The following SLC1A1 variants were observed in gnomAD, a reference collection of about 807,000 sequenced individuals.
SLC1A1 encodes the protein solute carrier family 1 member 1.
SLC1A1 carries 43 observed loss-of-function variants against 53.3 expected under a neutral mutation model. The ratio of observed to expected loss-of-function variants is 0.81; its 90% confidence interval spans 0.63 to 1.04. The LOEUF (loss-of-function observed/expected upper bound fraction) is 1.04. SLC1A1 is among the 50% of genes least tolerant of loss of function. SLC1A1 has a pLI of 0.00. For synonymous variants in SLC1A1, 307 were observed against 243.2 expected (o/e 1.26, Z -2.44); for missense variants, 748 against 664.9 (o/e 1.12, Z -1.37).
Position 4,583,882 on chromosome 9 carries a change from T to TCTCTCTCACTCA in SLC1A1, c.1328+711_1328+712insTCTCTCACTCAC, listed in dbSNP as rs1423949414. Among the ~76,000 whole-genome samples the TCTCTCTCACTCA allele has an allele frequency of 7.3e-6, 1 of 136,966 alleles. No homozygotes were observed. Among genetic ancestry groups the TCTCTCTCACTCA allele is most frequent in the Admixed American group, 7.2e-5 (1 of 13,906 alleles). 89.9% of individuals were successfully genotyped at this position (136,966 alleles called of 152,430 possible). ...CTCTCTCTCTCTCTCTCTCTCTCTC[T>TCTCTCTCACTCA]CACACACACACACACACACACACAC... On this transcript the variant is annotated intron_variant, in intron 11 of 11. Coordinates refer to ENST00000262352, the MANE Select transcript of SLC1A1 (RefSeq NM_004170.6). This position sits in a 1 kb window ranked among gnomAD's most constrained non-coding sequence, Gnocchi z 4.6.
chr9:4,587,399 A>C lies in SLC1A1; in HGVS notation c.*1841A>C. On this transcript the variant is annotated 3_prime_UTR_variant, in exon 12 of 12. Transcript: ENST00000262352. The stretch of plus-strand genomic sequence containing the variant: ...GTCAGTTTGAAACCAGCCTCTTAAC[A>C]CACTGCTGTTAACTCATAAAAGAGA... The C allele has an allele frequency of 6.6e-6, 1 of 152,126 alleles. No homozygotes were observed. Among genetic ancestry groups the C allele is most frequent in the Non-Finnish European group, 1.5e-5 (1 of 68,028 alleles). The allele number at this position is 152,126 out of a possible 1,614,324, so 9.4% of individuals were successfully genotyped here. A position where few individuals can be genotyped will look rare whatever the true frequency, so the allele number is the denominator to read the frequency against.
intron 1 of SLC1A1, 115 bp downstream of exon 1, chr9:4,490,885 G>A (rs916757230): frequency 1.0e-5 from 8 of 796,684 alleles, no homozygotes; most frequent in Non-Finnish European, 1.7e-5. Flanking sequence ...GTCCCTCGAT[G>A]CCCCCTCGGC....
intron 2 of SLC1A1, among the ~76,000 whole-genome samples, chr9:4,560,922 G>T (rs990685930): frequency 4.0e-5 from 6 of 150,808 alleles, no homozygotes; most frequent in Non-Finnish European, 8.9e-5. Flanking sequence ...CTTGAACCCA[G>T]GAGATGGAGG....
chr9:4,527,818 C>A (rs1409961833), intron 1 of SLC1A1, among the ~76,000 whole-genome samples: 1 of 151,980 alleles, frequency 6.6e-6, no homozygotes, highest in Non-Finnish European at 1.5e-5. Context: ...GGGTATCTGT[C>A]ATGGCAAAGT....
At chr9:4,564,258 A>G in intron 3 of SLC1A1, 86 bp from the exon 4 acceptor site, 1 of 905,568 alleles carries the variant, frequency 1.1e-6, no homozygotes, top group South Asian at 1.4e-5. Flanking sequence ...GCCTGGTACA[A>G]CCATGCCCAT....
chr9:4,514,505 G>A (rs146843138), intron 1 of SLC1A1, among the ~76,000 whole-genome samples: 200 of 152,300 alleles, frequency 1.3e-3, no homozygotes, highest in African/African-American at 4.7e-3. Flanking sequence ...GGAGGAGGTT[G>A]GGAAGGCTTT....
intron 1 of SLC1A1, 141 bp downstream of exon 1, chr9:4,490,911 C>T (rs1228166385): frequency 4.4e-6 from 3 of 674,554 alleles, no homozygotes; most frequent in Middle Eastern, 3.9e-4. Flanking sequence ...CCTCGGGCCC[C>T]CTGCGGGGGC....
intron 1 of SLC1A1, among the ~76,000 whole-genome samples, chr9:4,534,131 A>G (rs1816583448): frequency 6.6e-6 from 1 of 152,188 alleles, no homozygotes; most frequent in African/African-American, 2.4e-5. Context: ...CTGACACCCT[A>G]ACATCACAAT....
rs1337505109 is a variant in SLC1A1, at chr9:4,556,173, T to TAAAAAAA, written c.233-5276_233-5275insAAAAAAA. Among the ~76,000 whole-genome samples the TAAAAAAA allele has an allele frequency of 6.6e-6, 1 of 151,542 alleles. No homozygotes were observed. The highest frequency in any genetic ancestry group is 1.9e-4 in the East Asian group (1 of 5,146). ...CCAGCAAATTTGTGTGTGTGTGTGG[T>TAAAAAAA]TTTGTTTTTGTTTTTTTGTTTTTTT... On this transcript the variant is annotated intron_variant, in intron 2 of 11. Coordinates refer to ENST00000262352, the MANE Select transcript of SLC1A1 (RefSeq NM_004170.6). The surrounding 1 kb of genome is among the most constrained non-coding windows in gnomAD (Gnocchi z 4.1).
chr9:4,518,717 A>G (rs1358319525), intron 1 of SLC1A1, among the ~76,000 whole-genome samples: 3 of 152,120 alleles, frequency 2.0e-5, no homozygotes, highest in African/African-American at 7.2e-5. Context: ...AGAGTGAAAA[A>G]TATCAGGTCA....
At position 4,556,526 on chromosome 9, in the gene SLC1A1, C is replaced by T. The variant is rs766046184; in HGVS notation, c.233-4923C>T. On this transcript the variant is annotated intron_variant, in intron 2 of 11. Coordinates refer to ENST00000262352, the MANE Select transcript of SLC1A1 (RefSeq NM_004170.6). This position sits in a 1 kb window ranked among gnomAD's most constrained non-coding sequence, Gnocchi z 4.1. Reference sequence around the variant, plus strand: ...TAAAGAGAGGGGGTCCTTCAGACCTCGCCAGCCACCAAAGATGGCCTGAGA... The same window carrying T: ...TAAAGAGAGGGGGTCCTTCAGACCTTGCCAGCCACCAAAGATGGCCTGAGA... Among the ~76,000 whole-genome samples, 1 of 152,064 alleles carries T rather than the reference C, an allele frequency of 6.6e-6. No individual in the cohort carries two copies. The highest frequency in any genetic ancestry group is 2.1e-4 in the South Asian group (1 of 4,830).
chr9:4,581,580 T>G (rs904295028), intron 10 of SLC1A1, among the ~76,000 whole-genome samples: 1 of 152,198 alleles, frequency 6.6e-6, no homozygotes, highest in Non-Finnish European at 1.5e-5. Flanking sequence ...TCAGCTGGCA[T>G]GGACACAAAT....
intron 1 of SLC1A1, among the ~76,000 whole-genome samples, chr9:4,501,537 G>T (rs973510252): frequency 1.6e-4 from 24 of 151,548 alleles, no homozygotes; most frequent in African/African-American, 5.6e-4. Context: ...GGCCGAGGTG[G>T]GCAGATCACC....
intron 1 of SLC1A1, among the ~76,000 whole-genome samples, chr9:4,505,260 G>T (rs1030071458): frequency 4.6e-5 from 7 of 151,954 alleles, no homozygotes; most frequent in African/African-American, 1.7e-4. Context: ...TGTTGGCCAG[G>T]CTGGTCTTGA....
chr9:4,492,801 G>C (rs967671524), intron 1 of SLC1A1, among the ~76,000 whole-genome samples: 4 of 141,270 alleles, frequency 2.8e-5, no homozygotes, highest in African/African-American at 1.0e-4. Context: ...TGTCTAAAAA[G>C]AAAAAAAAAA....
intron 1 of SLC1A1, among the ~76,000 whole-genome samples, chr9:4,528,383 T>C (rs1816340928): frequency 6.6e-6 from 1 of 152,064 alleles, no homozygotes; most frequent in Non-Finnish European, 1.5e-5. Flanking sequence ...CCATCCTGGC[T>C]AACATGGTGA....
At chr9:4,565,934 G>A in intron 4 of SLC1A1, 113 bp from the exon 5 acceptor site, 1 of 861,528 alleles carries the variant, frequency 1.2e-6, no homozygotes, top group Admixed American at 1.7e-5. Context: ...GCAGGGGCCA[G>A]AAGAGAAACC....
At chr9:4,567,093 T>G (rs1819560751) in intron 5 of SLC1A1, among the ~76,000 whole-genome samples, 1 of 152,202 alleles carries the variant, frequency 6.6e-6, no homozygotes. Context: ...ATACTCACTC[T>G]TTCTTAAATC....
At chr9:4,555,177 G>C (rs972390579) in intron 2 of SLC1A1, among the ~76,000 whole-genome samples, 26 of 152,218 alleles carry the variant, frequency 1.7e-4, no homozygotes, top group African/African-American at 6.0e-4. Flanking sequence ...TGGCCTCTCT[G>C]CCGGTGACAG....
Sources: allele counts gnomAD v4.1 joint callset (sites outside exome capture counted in the v4.1 genomes callset), GRCh38; gene constraint gnomAD v4.1.1; non-coding constraint Gnocchi (gnomAD v3.1); transcripts MANE v1.5; gene names NCBI Gene and HGNC (gene_info 2026-07-23, HGNC 2026-07-21).